Variants in MYLK observed in about 807,000 individuals in gnomAD.
MYLK encodes the protein myosin light chain kinase.
In MYLK, 106 loss-of-function variants were observed where a neutral mutation model predicts 203.4. The observed-to-expected ratio is 0.52, with a 90% CI of 0.45 to 0.61. The LOEUF (loss-of-function observed/expected upper bound fraction) is 0.61. Ranked by LOEUF, MYLK falls within the 20% of genes least tolerant of loss-of-function variation. The pLI, the probability that MYLK is intolerant of heterozygous loss-of-function variation, is 0.00. For synonymous variants in MYLK, 867 were observed against 959.5 expected (o/e 0.90, Z 1.78); for missense variants, 2,072 against 2,442.3 (o/e 0.85, Z 3.20).
chr3:123,869,867 TG>T (rs1276046741), intron 2 of MYLK, among the ~76,000 whole-genome samples: 1 of 151,954 alleles, frequency 6.6e-6, no homozygotes, highest in African/African-American at 2.4e-5. Context: ...TCCCATCAAC[TG>T]CCCACCCAGC....
rs1351644423 is a variant in MYLK, at chr3:123,649,083, G to C, written c.4322-19C>G. The C allele has an allele frequency of 3.1e-6, 5 of 1,613,920 alleles. No individual in the cohort carries two copies. The highest frequency in any genetic ancestry group is 1.7e-5 in the Admixed American group (1 of 60,008). On this transcript the variant is annotated intron_variant, in intron 25 of 33. Transcript: ENST00000360304. Reference sequence around the variant, plus strand: ...TTCTCATCTGTGGGGCACAGGTCAGGGTTGGTGTGAGTCTCAGATGCCCCC... The same window carrying C: ...TTCTCATCTGTGGGGCACAGGTCAGCGTTGGTGTGAGTCTCAGATGCCCCC...
intron 4 of MYLK, among the ~76,000 whole-genome samples, chr3:123,762,937 A>G (rs2063582095): frequency 6.6e-6 from 1 of 152,204 alleles, no homozygotes; most frequent in African/African-American, 2.4e-5. Context: ...TAGCAGCACA[A>G]ACTTTAAATG....
chr3:123,626,965 A>AT (rs1371917796), intron 30 of MYLK, 24 bp from the exon 31 acceptor site: 1 of 1,613,630 alleles, frequency 6.2e-7, no homozygotes, highest in African/African-American at 1.3e-5. Flanking sequence ...AGATCAGGAG[A>AT]TTTTTGAGCA....
intron 2 of MYLK, among the ~76,000 whole-genome samples, chr3:123,856,402 G>A (rs552150322): frequency 1.3e-5 from 2 of 152,228 alleles, no homozygotes; most frequent in South Asian, 4.1e-4. Flanking sequence ...CTAACAACAG[G>A]GGTTATTTCA....
Position 123,709,795 on chromosome 3 carries a change from T to C in MYLK, c.1903A>G (p.Met635Val), listed in dbSNP as rs2061618483. ...GTCATAGTGACCTGGCTTCCATCCA[T>C]GACTTTGAGATCAGAGAGGCCCTGC... ...FLQGLSDLKVMDGSQVTMTVQ... is the reference protein window; with the variant it reads ...FLQGLSDLKVVDGSQVTMTVQ... The change falls in exon 14 of 34, where the codon ATG (methionine) becomes GTG (valine). Residue 635 changes from methionine (M) to valine (V), a missense_variant. This residue lies in a region of MYLK where 865 missense variants were observed against 1,016.0 expected (regional missense o/e 0.85). Transcript: ENST00000360304. The C allele has an allele frequency of 1.2e-6, 2 of 1,614,150 alleles. No individual in the cohort carries two copies. The highest frequency in any genetic ancestry group is 1.3e-5 in the African/African-American group (1 of 75,038).
chr3:123,647,329 T>G lies in MYLK; in HGVS notation c.4514A>C (p.Asn1505Thr). 6.2e-7 allele frequency: 1 copy of G among 1,614,254 alleles called. No homozygotes were observed. The highest frequency in any genetic ancestry group is 8.5e-7 in the Non-Finnish European group (1 of 1,180,030). ...FKAYSAKEKENIRQEISIMNC... is the reference protein window; with the variant it reads ...FKAYSAKEKETIRQEISIMNC... ...CATGATGCTAATCTCCTGCCGGATA[T>G]TCTCTTTCTCTTTTGCTGAATATGC... Residue 1505 changes from asparagine (N) to threonine (T), a missense_variant, in exon 27 of 34, where the codon AAT (asparagine) becomes ACT (threonine). Transcript: ENST00000360304.
chr3:123,726,350 C>T (rs1023769150), intron 11 of MYLK, among the ~76,000 whole-genome samples: 1 of 152,194 alleles, frequency 6.6e-6, no homozygotes, highest in Non-Finnish European at 1.5e-5. Flanking sequence ...CCTGCCTTCT[C>T]TCCTCTGTGA....
rs1431751676 is a variant in MYLK at position 123,846,276 on chromosome 3, A to G, written c.-126-14606T>C. On this transcript the variant is annotated intron_variant, in intron 2 of 33. Transcript: ENST00000360304. ...CCCAGACATGTTTGTGTGAATGCAC[A>G]GAAAGACAGTATAAGCACAAACACT... Among the ~76,000 whole-genome samples, 4 of 152,248 alleles carry G rather than the reference A, an allele frequency of 2.6e-5. 1 individual carries two copies. Among genetic ancestry groups the G allele is most frequent in the Admixed American group, 2.6e-4 (4 of 15,282 alleles).
chr3:123,759,095 G>T (rs1409686661), intron 4 of MYLK, among the ~76,000 whole-genome samples: 1 of 152,214 alleles, frequency 6.6e-6, no homozygotes, highest in Non-Finnish European at 1.5e-5. Flanking sequence ...AAAGTGCTAG[G>T]ATCATAAGCA....
At chr3:123,698,084 G>C (rs1576608310) in intron 18 of MYLK, among the ~76,000 whole-genome samples, 1 of 152,270 alleles carries the variant, frequency 6.6e-6, no homozygotes, top group South Asian at 2.1e-4. Flanking sequence ...TGAATTGTTT[G>C]TAAGTGGCTG....
chr3:123,734,450 G>C (rs912476977), intron 9 of MYLK: 2 of 475,216 alleles, frequency 4.2e-6, no homozygotes, highest in Non-Finnish European at 7.3e-6. Flanking sequence ...CCTGCCCAGA[G>C]CCCTGCTTTC....
intron 11 of MYLK, among the ~76,000 whole-genome samples, chr3:123,728,170 T>G (rs2062354684): frequency 6.6e-6 from 1 of 152,068 alleles, no homozygotes; most frequent in South Asian, 2.1e-4. Flanking sequence ...TGCCAGAAAT[T>G]AACCACAGGC....
intron 8 of MYLK, among the ~76,000 whole-genome samples, chr3:123,736,624 T>C (rs1041326788): frequency 2.0e-5 from 3 of 151,984 alleles, no homozygotes; most frequent in African/African-American, 4.8e-5. Context: ...TGCTGGAAAG[T>C]CCAGTCTGGG....
At chr3:123,879,387 T>G (rs2033371452) in intron 1 of MYLK, among the ~76,000 whole-genome samples, 1 of 152,062 alleles carries the variant, frequency 6.6e-6, no homozygotes, top group Non-Finnish European at 1.5e-5. Flanking sequence ...CTAACAGCCT[T>G]CAGACACCGG....
At chr3:123,637,231 C>T (rs1469092263) in intron 29 of MYLK, among the ~76,000 whole-genome samples, 7 of 152,190 alleles carry the variant, frequency 4.6e-5, no homozygotes, top group Admixed American at 3.3e-4. Flanking sequence ...ACCGTCCGCA[C>T]CCTGGGGCTT....
In MYLK at chr3:123,611,473, A is replaced by G. The variant is rs1347933207; in HGVS notation, c.*2632T>C. On this transcript the variant is annotated 3_prime_UTR_variant, in exon 34 of 34. Transcript: ENST00000360304. ...ATGATGATGATGATGATAATGTCAC[A>G]TGTTAAAAATGTCATATAGATTTTA... is the stretch of plus-strand genomic sequence containing the variant. The G allele has an allele frequency of 7.0e-6, 1 of 143,656 alleles. No homozygotes were observed. The highest frequency in any genetic ancestry group is 7.0e-5 in the Admixed American group (1 of 14,340). 8.9% of individuals were successfully genotyped at this position (143,656 alleles called of 1,614,324 possible). A position where few individuals can be genotyped will look rare whatever the true frequency, so the allele number is the denominator to read the frequency against.
chr3:123,880,736 A>T (rs1308832154), intron 1 of MYLK, among the ~76,000 whole-genome samples: 1 of 152,190 alleles, frequency 6.6e-6, no homozygotes, highest in African/African-American at 2.4e-5. Context: ...AAGTACAGTG[A>T]GCAGGAGGGC....
chr3:123,858,495 A>T (rs1421706449), intron 2 of MYLK, among the ~76,000 whole-genome samples: 4 of 152,182 alleles, frequency 2.6e-5, no homozygotes, highest in African/African-American at 9.7e-5. Flanking sequence ...TCGAGAGGCT[A>T]CATCTGGTAA....
intron 3 of MYLK, chr3:123,814,080 A>G: frequency 3.8e-6 from 1 of 263,334 alleles, no homozygotes; most frequent in South Asian, 4.4e-5. Flanking sequence ...TTCCCCATGC[A>G]GCTGTGTCAA....
Sources: gnomAD v4.1 joint callset for allele counts (sites outside exome capture counted in the v4.1 genomes callset) on GRCh38, gnomAD v4.1.1 for gene constraint, gnomAD v4.1.1 regional missense constraint, MANE v1.5 for transcripts, NCBI Gene and HGNC (gene_info 2026-07-23, HGNC 2026-07-21) for gene names.